The following LINGO2 variants were observed in gnomAD, a reference collection of about 807,000 sequenced individuals.
The protein encoded by LINGO2 is leucine-rich repeat and immunoglobulin-like domain-containing nogo receptor-interacting protein 2.
In LINGO2, 14 loss-of-function variants were observed where a neutral mutation model predicts 30.6. That is an observed-to-expected ratio of 0.46 (90% CI 0.30 to 0.72). LINGO2 has a LOEUF of 0.72. LINGO2 is among the 30% of genes least tolerant of loss of function. LINGO2 has a pLI of 0.07. For synonymous variants in LINGO2, 317 were observed against 288.5 expected (o/e 1.10, Z -1.00); for missense variants, 729 against 751.7 (o/e 0.97, Z 0.35).
chr9:28,983,840 C>A, the LINGO2 span, among the ~76,000 whole-genome samples: 1 of 151,594 alleles, frequency 6.6e-6, no homozygotes, highest in African/African-American at 2.4e-5. Context: ...CCTCCATTAT[C>A]GTAGCATCAA....
intron 2 of LINGO2, among the ~76,000 whole-genome samples, chr9:28,422,951 CTTA>C (rs1476829829): frequency 6.6e-6 from 1 of 151,954 alleles, no homozygotes; most frequent in Non-Finnish European, 1.5e-5. Flanking sequence ...TATAATTCCA[CTTA>C]TTATCAGGTA....
At chr9:28,199,483 C>G (rs1165379343) in intron 4 of LINGO2, among the ~76,000 whole-genome samples, 2 of 151,892 alleles carry the variant, frequency 1.3e-5, no homozygotes, top group Non-Finnish European at 2.9e-5. Flanking sequence ...GGACTACAGG[C>G]GCCCGCCACC....
chr9:28,675,513 A>G, the LINGO2 span, among the ~76,000 whole-genome samples: 1 of 152,150 alleles, frequency 6.6e-6, no homozygotes, highest in African/African-American at 2.4e-5. Context: ...TTCCCTAATG[A>G]ATATTAACTT....
chr9:28,271,114 C>G (rs1272825350), intron 4 of LINGO2, among the ~76,000 whole-genome samples: 1 of 151,414 alleles, frequency 6.6e-6, no homozygotes, highest in Non-Finnish European at 1.5e-5. Context: ...TCCTCTTGAT[C>G]TAGAGTTATT....
At chr9:28,388,888 TTCTC>T (rs894317487) in intron 2 of LINGO2, among the ~76,000 whole-genome samples, 2 of 149,530 alleles carry the variant, frequency 1.3e-5, no homozygotes, top group Non-Finnish European at 3.0e-5. Context: ...TTTTCTCTCT[TTCTC>T]TCTTTCTCTC....
At chr9:28,889,947 A>T in the LINGO2 span, among the ~76,000 whole-genome samples, 10 of 152,168 alleles carry the variant, frequency 6.6e-5, no homozygotes, top group African/African-American at 2.4e-4. Flanking sequence ...ATATTCCACT[A>T]TCTCTTCTCC....
the LINGO2 span, among the ~76,000 whole-genome samples, chr9:28,708,128 T>C: frequency 5.3e-5 from 8 of 152,174 alleles, no homozygotes; most frequent in Non-Finnish European, 8.8e-5. Context: ...GCAGAAGTGA[T>C]GTTATGTGAC....
chr9:28,079,788 C>A (rs1825723854), intron 4 of LINGO2, among the ~76,000 whole-genome samples: 1 of 152,170 alleles, frequency 6.6e-6, no homozygotes, highest in African/African-American at 2.4e-5. Flanking sequence ...TCTCTGATCT[C>A]TAGCTTCCTT....
At chr9:28,095,664 T>C (rs929763930) in intron 4 of LINGO2, among the ~76,000 whole-genome samples, 1 of 151,894 alleles carries the variant, frequency 6.6e-6, no homozygotes, top group Non-Finnish European at 1.5e-5. Context: ...GGACTTCATG[T>C]CTAAAACACC....
chr9:28,876,038 C>A, the LINGO2 span, among the ~76,000 whole-genome samples: 4 of 151,922 alleles, frequency 2.6e-5, no homozygotes, highest in Non-Finnish European at 4.4e-5. Context: ...GAATATTAAA[C>A]CCTTTCACTC....
the LINGO2 span, among the ~76,000 whole-genome samples, chr9:28,915,396 G>T: frequency 6.6e-6 from 1 of 152,052 alleles, no homozygotes; most frequent in East Asian, 1.9e-4. Flanking sequence ...TGAATCATAG[G>T]TCTGGGGTGT....
chr9:28,689,192 G>A, the LINGO2 span, among the ~76,000 whole-genome samples: 562 of 152,244 alleles, frequency 3.7e-3, 5 homozygotes, highest in African/African-American at 0.013. Context: ...AAGTGTTTAG[G>A]AAATGTGGGC....
the LINGO2 span, among the ~76,000 whole-genome samples, chr9:28,766,791 A>AGAGAGAGAGAGAGGGAAG: frequency 7.7e-6 from 1 of 129,118 alleles, no homozygotes; most frequent in Non-Finnish European, 1.5e-5. Flanking sequence ...AGAGAGAGGG[A>AGAGAGAGAGAGAGGGAAG]GAGAGAGAGA....
chr9:29,063,762 G>A, the LINGO2 span, among the ~76,000 whole-genome samples: 1 of 152,044 alleles, frequency 6.6e-6, no homozygotes, highest in South Asian at 2.1e-4. Flanking sequence ...TACAAGGTAA[G>A]ACCTTCAGGC....
chr9:28,653,719 G>C (rs1030665941), intron 1 of LINGO2, among the ~76,000 whole-genome samples: 3 of 152,040 alleles, frequency 2.0e-5, no homozygotes, highest in African/African-American at 7.2e-5. Context: ...GAACATTAGA[G>C]CTGAAATTCA....
At chr9:29,162,082 G>C in the LINGO2 span, among the ~76,000 whole-genome samples, 2 of 152,046 alleles carry the variant, frequency 1.3e-5, no homozygotes, top group African/African-American at 4.8e-5. Flanking sequence ...ATCACGCATG[G>C]CTAATTTTTG....
chr9:29,007,028 T>G, the LINGO2 span, among the ~76,000 whole-genome samples: 1 of 152,160 alleles, frequency 6.6e-6, no homozygotes, highest in African/African-American at 2.4e-5. Context: ...GTAAATGATT[T>G]TATTAAGCAT....
the LINGO2 span, among the ~76,000 whole-genome samples, chr9:29,199,910 T>G: frequency 6.6e-6 from 1 of 151,876 alleles, no homozygotes; most frequent in African/African-American, 2.4e-5. Flanking sequence ...GAGTAAATTT[T>G]CAGTGAATGG....
At chr9:28,838,234 A>G in the LINGO2 span, among the ~76,000 whole-genome samples, 1 of 152,180 alleles carries the variant, frequency 6.6e-6, no homozygotes, top group Admixed American at 6.5e-5. Context: ...TGAGAGTCCA[A>G]CTGCCTTCTA....
Sources: gnomAD v4.1 joint callset for allele counts (sites outside exome capture counted in the v4.1 genomes callset) on GRCh38, gnomAD v4.1.1 for gene constraint, MANE v1.5 for transcripts, NCBI Gene and HGNC (gene_info 2026-07-23, HGNC 2026-07-21) for gene names.